Variants in SLC6A11 observed in about 807,000 individuals in gnomAD.
SLC6A11 encodes solute carrier family 6 member 11, also known as sodium- and chloride-dependent GABA transporter 3.
A neutral mutation model predicts 74.8 loss-of-function variants in SLC6A11; 25 were observed. The ratio of observed to expected loss-of-function variants is 0.33; its 90% CI spans 0.24 to 0.47. The LOEUF (loss-of-function observed/expected upper bound fraction) is 0.47, where lower values mean the gene tolerates loss of function less well. Ranked by LOEUF, SLC6A11 falls within the 20% of genes least tolerant of loss-of-function variation. SLC6A11 has a pLI of 1.00. For missense variants in SLC6A11, 574 were observed against 837.0 expected (o/e 0.69, Z 3.88); for synonymous variants, 330 against 330.2 (o/e 1.00, Z 0.01).
At chr3:10,894,268 T>A (rs904492155) in intron 6 of SLC6A11, among the ~76,000 whole-genome samples, 2 of 152,170 alleles carry the variant, frequency 1.3e-5, no homozygotes, top group Non-Finnish European at 2.9e-5. Context: ...TCCATTCAGA[T>A]GAGCATAGGA....
At chr3:10,890,368 C>CCATG (rs559573629) in intron 6 of SLC6A11, among the ~76,000 whole-genome samples, 222 of 152,304 alleles carry the variant, frequency 1.5e-3, no homozygotes, top group African/African-American at 5.1e-3. Flanking sequence ...AAGACCTGAA[C>CCATG]CATGGCCACA....
rs189098071 is a variant in SLC6A11 at position 10,886,067 on chromosome 3, G to C, written c.891+10972G>C. Among the ~76,000 whole-genome samples, 96 of 152,354 alleles carry C rather than the reference G, an allele frequency of 6.3e-4. No individual in the cohort carries two copies. In the East Asian group the frequency reaches 0.017, roughly 27 times the overall value. ...CTCTCTGCATGGTGGTCAGGAAGTA[G>C]TGACCAAGCAGCAGGATGGGCAAAC... On this transcript the variant is annotated intron_variant, in intron 6 of 13. Transcript: ENST00000254488.
At chr3:10,869,668 C>T (rs1694806322) in intron 5 of SLC6A11, among the ~76,000 whole-genome samples, 1 of 152,258 alleles carries the variant, frequency 6.6e-6, no homozygotes, top group African/African-American at 2.4e-5. Flanking sequence ...AGAGCCAGGA[C>T]TGGACCAGCG....
intron 5 of SLC6A11, among the ~76,000 whole-genome samples, chr3:10,848,490 G>A (rs1475776643): frequency 6.6e-6 from 1 of 152,174 alleles, no homozygotes. Flanking sequence ...TGAGCAATCT[G>A]TATGCTCAGA....
At chr3:10,843,411 C>A (rs1036427460) in intron 4 of SLC6A11, among the ~76,000 whole-genome samples, 2 of 152,188 alleles carry the variant, frequency 1.3e-5, no homozygotes, top group South Asian at 4.1e-4. Flanking sequence ...CCAAAGCACA[C>A]CATCCTCTAC....
At chr3:10,937,711 T>G (rs1695774759) in intron 13 of SLC6A11, among the ~76,000 whole-genome samples, 1 of 152,206 alleles carries the variant, frequency 6.6e-6, no homozygotes, top group Admixed American at 6.5e-5. Context: ...GCTGAGGCTG[T>G]GAGCCTTGGG....
intron 6 of SLC6A11, among the ~76,000 whole-genome samples, chr3:10,899,897 CA>C (rs1454367786): frequency 1.1e-4 from 16 of 152,314 alleles, no homozygotes; most frequent in Non-Finnish European, 1.5e-5. Flanking sequence ...TCAGCTGACC[CA>C]AAACCATAAC....
intron 6 of SLC6A11, among the ~76,000 whole-genome samples, chr3:10,903,374 G>C (rs1695263878): frequency 6.6e-6 from 1 of 152,158 alleles, no homozygotes; most frequent in African/African-American, 2.4e-5. Flanking sequence ...GCGGGACCCT[G>C]GCCCCTACTG....
rs750040112 is a variant in SLC6A11 at position 10,934,175 on chromosome 3, CCCACCAGGAGCCA to C, written c.1575+12_1575+24del. 1 of 1,592,162 alleles carries C rather than the reference CCCACCAGGAGCCA, an allele frequency of 6.3e-7. No individual in the cohort carries two copies. The highest frequency in any genetic ancestry group is 1.7e-5 in the Admixed American group (1 of 59,970). On this transcript the variant is annotated intron_variant, in intron 12 of 13. Transcript: ENST00000254488. Reference sequence around the variant, plus strand: ...CCCCTGGGATCTGCGCGGTAAGGGCCCCACCAGGAGCCACCTCCAGCCATCTACCCACCCATCT... The same window carrying C: ...CCCCTGGGATCTGCGCGGTAAGGGCCCCTCCAGCCATCTACCCACCCATCT...
Position 10,915,432 on chromosome 3 carries a change from A to G in SLC6A11, c.996-2897A>G, listed in dbSNP as rs1449995085. 6.6e-6 allele frequency among the ~76,000 whole-genome samples: 1 copy of G among 152,222 alleles called. No homozygotes were observed. The highest frequency in any genetic ancestry group is 6.5e-5 in the Admixed American group (1 of 15,276). On this transcript the variant is annotated intron_variant, in intron 7 of 13. Coordinates refer to ENST00000254488, the MANE Select transcript of SLC6A11 (RefSeq NM_014229.3). The surrounding 1 kb of genome is among the most constrained non-coding windows in gnomAD (Gnocchi z 4.3). ...TATTTCCTTTTCCAAATTGTTCTGC[A>G]AGTGGGTCTTCTCAACTCCAGTGGA...
intron 8 of SLC6A11, among the ~76,000 whole-genome samples, chr3:10,925,463 C>G (rs577344919): frequency 6.6e-6 from 1 of 151,950 alleles, no homozygotes; most frequent in Non-Finnish European, 1.5e-5. Context: ...AAGTTCATCC[C>G]GAGGACACGT....
At chr3:10,874,140 A>T (rs552781051) in intron 5 of SLC6A11, among the ~76,000 whole-genome samples, 12 of 152,262 alleles carry the variant, frequency 7.9e-5, no homozygotes, top group African/African-American at 2.2e-4. Flanking sequence ...GTATTGACCC[A>T]ACAGTGAATT....
At chr3:10,873,807 G>GCTATCCTATC (rs1216313078) in intron 5 of SLC6A11, among the ~76,000 whole-genome samples, 4 of 131,942 alleles carry the variant, frequency 3.0e-5, no homozygotes, top group South Asian at 4.5e-4. Context: ...CCTATCCTAT[G>GCTATCCTATC]CTATCCTATC....
At position 10,856,198 on chromosome 3, in the gene SLC6A11, G is replaced by A. The variant is rs575086804; in HGVS notation, c.756+11852G>A. Among the ~76,000 whole-genome samples the A allele has an allele frequency of 2.6e-5, 4 of 152,346 alleles. No individual in the cohort carries two copies. In the East Asian group the frequency reaches 5.8e-4, roughly 22 times the overall value. On this transcript the variant is annotated intron_variant, in intron 5 of 13. Coordinates refer to ENST00000254488, the MANE Select transcript of SLC6A11 (RefSeq NM_014229.3). Reference sequence around the variant, plus strand: ...CTCTTGGGGAAGAGGAGTGACAATCGAGAAAGGATTGATAGAAATTGTGTG... The same window carrying A: ...CTCTTGGGGAAGAGGAGTGACAATCAAGAAAGGATTGATAGAAATTGTGTG...
At chr3:10,925,349 T>G (rs1231788111) in intron 8 of SLC6A11, among the ~76,000 whole-genome samples, 1 of 152,222 alleles carries the variant, frequency 6.6e-6, no homozygotes, top group African/African-American at 2.4e-5. Flanking sequence ...ATATTTCAGC[T>G]AAGAAAACAG....
chr3:10,871,499 C>T (rs1453934071), intron 5 of SLC6A11, among the ~76,000 whole-genome samples: 1 of 151,988 alleles, frequency 6.6e-6, no homozygotes, highest in Non-Finnish European at 1.5e-5. Flanking sequence ...GGTTATTAGC[C>T]TCAACCTGAT....
At position 10,918,485 on chromosome 3, in the gene SLC6A11, C is replaced by T. The variant is rs776054459; in HGVS notation, c.1120+32C>T. 62 of 1,594,560 alleles carry T rather than the reference C, an allele frequency of 3.9e-5. No homozygotes were observed. Among genetic ancestry groups the T allele is most frequent in the African/African-American group, 9.5e-5 (7 of 73,354 alleles). The stretch of plus-strand genomic sequence containing the variant: ...TCGCCAAAGGTGGGGATGGAAAAGG[C>T]GGCAAGGGAGGCCAGGAGTGATGGT... On this transcript the variant is annotated intron_variant, in intron 8 of 13. Transcript: ENST00000254488. The surrounding 1 kb of genome is among the most constrained non-coding windows in gnomAD (Gnocchi z 4.5).
chr3:10,924,622 T>C (rs1332656958), intron 8 of SLC6A11, among the ~76,000 whole-genome samples: 3 of 150,276 alleles, frequency 2.0e-5, no homozygotes, highest in East Asian at 3.9e-4. Context: ...CCTAAACATA[T>C]AAAGAACGCT....
chr3:10,932,584 A>G (rs900035531), intron 10 of SLC6A11, among the ~76,000 whole-genome samples: 1 of 152,158 alleles, frequency 6.6e-6, no homozygotes. Flanking sequence ...GAAAGGGAAT[A>G]GCATGTGTAG....
Sources: gnomAD v4.1 joint callset for allele counts (sites outside exome capture counted in the v4.1 genomes callset) on GRCh38, gnomAD v4.1.1 for gene constraint, Gnocchi (gnomAD v3.1) non-coding constraint, MANE v1.5 for transcripts, NCBI Gene and HGNC (gene_info 2026-07-23, HGNC 2026-07-21) for gene names.